The following NBEA variants were observed in gnomAD, a reference collection of about 807,000 sequenced individuals.
NBEA encodes the protein lysosomal-trafficking regulator 2.
In NBEA, 44 loss-of-function variants were observed where a neutral mutation model predicts 343.4. The observed-to-expected ratio is 0.13, with a 90% CI of 0.10 to 0.16. The LOEUF is 0.16. Among genes scored for constraint, NBEA ranks in the 10% least tolerant of loss-of-function variants. NBEA has a pLI of 1.00. For missense variants in NBEA, 2,555 were observed against 3,631.3 expected, an observed-to-expected ratio of 0.70 and a Z score of 7.62; for synonymous variants, 1,175 against 1,238.7, an observed-to-expected ratio of 0.95 and a Z score of 1.08.
At chr13:35,450,310 C>CA (rs578167924) in intron 39 of NBEA, among the ~76,000 whole-genome samples, 2,798 of 126,714 alleles carry the variant, frequency 0.022, 39 homozygotes, top group East Asian at 0.058. Flanking sequence ...CCCATCCCTA[C>CA]AAAAAAAAAA....
intron 44 of NBEA, among the ~76,000 whole-genome samples, chr13:35,565,608 G>C (rs2080097963): frequency 6.6e-6 from 1 of 151,892 alleles, no homozygotes; most frequent in Admixed American, 6.6e-5. Flanking sequence ...ACTGATAATT[G>C]GATCATAACG....
Position 35,135,151 on chromosome 13 carries a change from C to T in NBEA, c.2337-7118C>T, listed in dbSNP as rs531511003. On this transcript the variant is annotated intron_variant, in intron 17 of 58. Transcript: ENST00000379939. ...CACTAGTAATCACCAACAAACCTAT[C>T]GTATGCTCCCTTAATGCAGAACTGT... Among the ~76,000 whole-genome samples the T allele has an allele frequency of 1.2e-4, 19 of 152,124 alleles. No homozygotes were observed. The East Asian group carries it at 3.3e-3, about 26-fold the overall frequency.
At chr13:35,502,784 G>A (rs139336928) in intron 41 of NBEA, among the ~76,000 whole-genome samples, 3 of 152,140 alleles carry the variant, frequency 2.0e-5, no homozygotes, top group South Asian at 2.1e-4. Flanking sequence ...GATACAGTAC[G>A]TGGGATTTGG....
At chr13:35,666,236 T>G (rs2085347594) in intron 56 of NBEA, among the ~76,000 whole-genome samples, 1 of 152,088 alleles carries the variant, frequency 6.6e-6, no homozygotes, top group Non-Finnish European at 1.5e-5. Flanking sequence ...GTTTGGTTGT[T>G]AGAGCTCATT....
intron 36 of NBEA, among the ~76,000 whole-genome samples, chr13:35,331,828 A>G (rs1405969560): frequency 6.6e-6 from 1 of 152,072 alleles, no homozygotes; most frequent in African/African-American, 2.4e-5. Flanking sequence ...CCTATGGAAA[A>G]TAACCTTGCA....
At chr13:35,478,690 CCGCCCA>C (rs1308023436) in intron 41 of NBEA, among the ~76,000 whole-genome samples, 1 of 152,256 alleles carries the variant, frequency 6.6e-6, no homozygotes, top group African/African-American at 2.4e-5. Context: ...TCAGCCTGCA[CCGCCCA>C]CGTCCGGCCC....
Position 34,942,960 on chromosome 13 carries a change from G to T in NBEA, c.140G>T (p.Gly47Val). The change falls in exon 1 of 59, where the codon GGG becomes GTG. Residue 47 changes from glycine (G) to valine (V), a missense_variant. By Grantham distance (109) the Gly-to-Val change is moderately radical. This residue lies in a region of NBEA where 122 missense variants were observed against 91.0 expected (regional missense o/e 1.34). Transcript: ENST00000379939. ...TGGSGMGELR[G>V]ASGSGSVMLP... ...GGCAGCGGGATGGGGGAGCTAAGGG[G>T]GGCGTCCGGCTCCGGCTCGGTGATG... is the stretch of plus-strand genomic sequence containing the variant. The T allele has an allele frequency of 6.3e-7, 1 of 1,599,340 alleles. No individual in the cohort carries two copies. The highest frequency in any genetic ancestry group is 8.5e-7 in the Non-Finnish European group (1 of 1,173,252).
intron 38 of NBEA, among the ~76,000 whole-genome samples, chr13:35,419,767 C>T (rs890061064): frequency 2.0e-5 from 3 of 151,760 alleles, no homozygotes; most frequent in Non-Finnish European, 2.9e-5. Flanking sequence ...CAAGGAACAA[C>T]ACAAAGCTCT....
At chr13:35,088,681 A>G (rs949591073) in intron 10 of NBEA, among the ~76,000 whole-genome samples, 1 of 152,018 alleles carries the variant, frequency 6.6e-6, no homozygotes, top group Non-Finnish European at 1.5e-5. Flanking sequence ...AATCTAACCA[A>G]AACAGCATGG....
intron 16 of NBEA, among the ~76,000 whole-genome samples, chr13:35,119,123 A>G (rs1417270465): frequency 6.6e-6 from 1 of 152,208 alleles, no homozygotes; most frequent in African/African-American, 2.4e-5. Context: ...AGAAACTGAA[A>G]ACCAACTTTT....
intron 48 of NBEA, among the ~76,000 whole-genome samples, chr13:35,608,081 C>G (rs899027303): frequency 1.3e-5 from 2 of 152,066 alleles, no homozygotes; most frequent in Admixed American, 6.6e-5. Flanking sequence ...GCTGTATGTT[C>G]TGTCTCTAAG....
At chr13:35,451,875 C>A (rs1434783532) in intron 39 of NBEA, among the ~76,000 whole-genome samples, 1 of 152,104 alleles carries the variant, frequency 6.6e-6, no homozygotes, top group African/African-American at 2.4e-5. Flanking sequence ...CTGCCTGTTT[C>A]CTCATCTTTA....
intron 1 of NBEA, among the ~76,000 whole-genome samples, chr13:35,015,804 G>T (rs1038807160): frequency 2.8e-4 from 42 of 151,856 alleles, no homozygotes; most frequent in African/African-American, 9.7e-4. Context: ...ACTCTCTTCA[G>T]TGTGCTCTAT....
intron 41 of NBEA, among the ~76,000 whole-genome samples, chr13:35,472,970 T>C (rs1231845300): frequency 6.6e-6 from 1 of 152,206 alleles, no homozygotes; most frequent in African/African-American, 2.4e-5. Flanking sequence ...TAGATATAAA[T>C]TAATCTCCAT....
At chr13:35,409,209 C>G (rs910879431) in intron 38 of NBEA, among the ~76,000 whole-genome samples, 4 of 152,088 alleles carry the variant, frequency 2.6e-5, no homozygotes, top group East Asian at 1.9e-4. Flanking sequence ...TTCGATAGAG[C>G]TGGAGGCCAT....
intron 36 of NBEA, among the ~76,000 whole-genome samples, chr13:35,340,100 G>A (rs374728800): frequency 4.5e-4 from 69 of 152,182 alleles, no homozygotes; most frequent in African/African-American, 1.3e-3. Context: ...TAGAATTGCC[G>A]TATTATCCAG....
chr13:35,045,003 T>A lies in NBEA; in HGVS notation c.583T>A (p.Leu195Met). ...CAGCTACAGCATCACTGTCAAGGAGTTGAAGCTTTTGTTCAGCATGCTTCG... is the reference window on the plus strand; with the variant it reads ...CAGCTACAGCATCACTGTCAAGGAGATGAAGCTTTTGTTCAGCATGCTTCG... Reference protein sequence around the residue: ...LASYSITVKELKLLFSMLRGE... With the variant: ...LASYSITVKEMKLLFSMLRGE... The change falls in exon 3 of 59, where the codon TTG (leucine) becomes ATG (methionine). Residue 195 changes from leucine to methionine, a missense_variant. Physicochemically the swap from Leu to Met is conservative, Grantham distance 15. This residue lies in a region of NBEA where 185 missense variants were observed against 290.6 expected (regional missense o/e 0.64). Coordinates refer to ENST00000379939, the MANE Select transcript of NBEA (RefSeq NM_001385012.1). 6.2e-7 allele frequency: 1 copy of A among 1,611,796 alleles called. No individual in the cohort carries two copies.
intron 34 of NBEA, among the ~76,000 whole-genome samples, chr13:35,259,003 A>G (rs2032948469): frequency 1.3e-5 from 2 of 152,144 alleles, no homozygotes; most frequent in Non-Finnish European, 2.9e-5. Flanking sequence ...ATATTAAATA[A>G]ATTTTTTACT....
intron 38 of NBEA, among the ~76,000 whole-genome samples, chr13:35,367,295 A>G (rs528157312): frequency 2.0e-5 from 3 of 151,418 alleles, no homozygotes; most frequent in South Asian, 2.1e-4. Flanking sequence ...AAGTCCGCAG[A>G]AAAAAAGATG....
Sources: allele counts gnomAD v4.1 joint callset (sites outside exome capture counted in the v4.1 genomes callset), GRCh38; gene constraint gnomAD v4.1.1; regional missense constraint gnomAD v4.1.1; transcripts MANE v1.5; gene names NCBI Gene and HGNC (gene_info 2026-07-23, HGNC 2026-07-21).